The following ST6GALNAC3 variants were observed in gnomAD, a reference collection of about 807,000 sequenced individuals.
ST6GALNAC3 encodes the protein alpha-N-acetylgalactosaminide alpha-2,6-sialyltransferase 3.
Under a neutral mutation model 32.7 loss-of-function variants are expected in ST6GALNAC3, and 25 were observed. The ratio of observed to expected loss-of-function variants is 0.76; its 90% confidence interval spans 0.56 to 1.07. The LOEUF is 1.07. Among genes scored for constraint, ST6GALNAC3 ranks in the 50% least tolerant of loss-of-function variants. ST6GALNAC3 has a pLI of 0.00. For synonymous variants in ST6GALNAC3, 129 were observed against 133.1 expected (o/e 0.97, Z 0.21); for missense variants, 355 against 382.4 (o/e 0.93, Z 0.60).
chr1:76,260,811 T>TA (rs1238761283), intron 1 of ST6GALNAC3, among the ~76,000 whole-genome samples: 10 of 152,188 alleles, frequency 6.6e-5, no homozygotes, highest in African/African-American at 2.2e-4. Flanking sequence ...AAGCTCACTT[T>TA]AAAAAATCTC....
At chr1:76,367,346 C>A (rs1380968491) in intron 2 of ST6GALNAC3, among the ~76,000 whole-genome samples, 1 of 151,988 alleles carries the variant, frequency 6.6e-6, no homozygotes, top group Non-Finnish European at 1.5e-5. Context: ...AGGAATGGGG[C>A]AGATGGCAAG....
intron 1 of ST6GALNAC3, among the ~76,000 whole-genome samples, chr1:76,241,008 A>G (rs1439212195): frequency 6.6e-6 from 1 of 152,212 alleles, no homozygotes; most frequent in East Asian, 1.9e-4. Context: ...TACTGAAAAA[A>G]AATTATAATA....
intron 2 of ST6GALNAC3, among the ~76,000 whole-genome samples, chr1:76,379,421 A>G (rs1306028829): frequency 6.6e-6 from 1 of 152,156 alleles, no homozygotes; most frequent in Admixed American, 6.5e-5. Flanking sequence ...CCATTGAACA[A>G]ACTGCAAAAA....
intron 2 of ST6GALNAC3, among the ~76,000 whole-genome samples, chr1:76,378,919 T>C (rs1651480810): frequency 6.6e-6 from 1 of 152,050 alleles, no homozygotes; most frequent in Non-Finnish European, 1.5e-5. Flanking sequence ...TCTTTTGAGA[T>C]GGCGTCTCAC....
chr1:76,485,777 G>A (rs1557475390), intron 3 of ST6GALNAC3, among the ~76,000 whole-genome samples: 1 of 152,118 alleles, frequency 6.6e-6, no homozygotes, highest in Non-Finnish European at 1.5e-5. Flanking sequence ...TTTTGAATGT[G>A]TTTGCTCTAG....
intron 1 of ST6GALNAC3, among the ~76,000 whole-genome samples, chr1:76,183,492 G>A (rs1490128011): frequency 6.6e-6 from 1 of 152,002 alleles, no homozygotes; most frequent in African/African-American, 2.4e-5. Flanking sequence ...ATGTAGACAA[G>A]TAATGAGTAT....
intron 1 of ST6GALNAC3, among the ~76,000 whole-genome samples, chr1:76,086,620 G>A (rs1409139873): frequency 2.6e-5 from 4 of 152,130 alleles, no homozygotes; most frequent in Admixed American, 2.0e-4. Context: ...GGGATCGTTA[G>A]CTAGAATGTC....
At chr1:76,344,548 C>T (rs1183360482) in intron 2 of ST6GALNAC3, among the ~76,000 whole-genome samples, 1 of 152,140 alleles carries the variant, frequency 6.6e-6, no homozygotes, top group Non-Finnish European at 1.5e-5. Flanking sequence ...CCATTTTGTT[C>T]ATGATGGCTG....
intron 3 of ST6GALNAC3, among the ~76,000 whole-genome samples, chr1:76,621,951 A>G (rs1012088091): frequency 6.6e-6 from 1 of 152,036 alleles, no homozygotes; most frequent in Non-Finnish European, 1.5e-5. Context: ...CTTCTTTTAA[A>G]TTCTCTTTTT....
At chr1:76,310,283 A>C (rs990467861) in intron 1 of ST6GALNAC3, among the ~76,000 whole-genome samples, 3 of 152,224 alleles carry the variant, frequency 2.0e-5, no homozygotes, top group Non-Finnish European at 4.4e-5. Flanking sequence ...TGTAAGATCC[A>C]TCACTTCATT....
intron 3 of ST6GALNAC3, among the ~76,000 whole-genome samples, chr1:76,614,501 C>T (rs555519527): frequency 2.4e-4 from 36 of 152,066 alleles, no homozygotes; most frequent in African/African-American, 8.2e-4. Context: ...GGGCAGATCA[C>T]GAGGTCAGGA....
chr1:76,258,713 G>A (rs1255752717), intron 1 of ST6GALNAC3, among the ~76,000 whole-genome samples: 1 of 152,138 alleles, frequency 6.6e-6, no homozygotes, highest in African/African-American at 2.4e-5. Context: ...AGATGTGACT[G>A]CAGCCCTCAA....
chr1:76,290,658 T>C (rs3862899), intron 1 of ST6GALNAC3, among the ~76,000 whole-genome samples: 47,691 of 152,014 alleles, frequency 0.31, 8,563 homozygotes, highest in Non-Finnish European at 0.41. Flanking sequence ...TTTTTTGTTT[T>C]AAATCCAGGT....
chr1:76,232,035 C>T (rs1178581603), intron 1 of ST6GALNAC3, among the ~76,000 whole-genome samples: 1 of 152,186 alleles, frequency 6.6e-6, no homozygotes, highest in East Asian at 1.9e-4. Flanking sequence ...GGAGAAACTT[C>T]ACTTACCCAA....
At chr1:76,422,365 A>C (rs1655085916) in intron 3 of ST6GALNAC3, among the ~76,000 whole-genome samples, 1 of 152,036 alleles carries the variant, frequency 6.6e-6, no homozygotes, top group Non-Finnish European at 1.5e-5. Context: ...TGTTTTACAA[A>C]AAGGTGCTAG....
At chr1:76,472,661 A>G (rs1249385231) in intron 3 of ST6GALNAC3, among the ~76,000 whole-genome samples, 1 of 152,106 alleles carries the variant, frequency 6.6e-6, no homozygotes. Flanking sequence ...GAACTATCTC[A>G]AGGTTGTTAT....
intron 1 of ST6GALNAC3, among the ~76,000 whole-genome samples, chr1:76,239,398 A>G (rs1005393667): frequency 5.0e-5 from 7 of 140,982 alleles, no homozygotes; most frequent in Non-Finnish European, 1.1e-4. Flanking sequence ...GTTATTTATA[A>G]TAAAAAAAAA....
chr1:76,512,989 T>G (rs1267692468), intron 3 of ST6GALNAC3, among the ~76,000 whole-genome samples: 1 of 143,578 alleles, frequency 7.0e-6, no homozygotes, highest in Non-Finnish European at 1.5e-5. Context: ...GTATATTGGG[T>G]TTTTTTTCTT....
intron 2 of ST6GALNAC3, among the ~76,000 whole-genome samples, chr1:76,374,021 C>A (rs1042847181): frequency 1.3e-5 from 2 of 152,096 alleles, no homozygotes; most frequent in Non-Finnish European, 2.9e-5. Context: ...TAAGTTCTTT[C>A]TCCTGTGGTT....
Sources: gnomAD v4.1 joint callset for allele counts (sites outside exome capture counted in the v4.1 genomes callset) on GRCh38, gnomAD v4.1.1 for gene constraint, MANE v1.5 for transcripts, NCBI Gene and HGNC (gene_info 2026-07-23, HGNC 2026-07-21) for gene names.